The following TMEM18 variants were observed in gnomAD, a reference collection of about 807,000 sequenced individuals.
TMEM18 encodes the protein transmembrane protein 18.
TMEM18 carries 14 observed loss-of-function variants against 17.4 expected under a neutral mutation model. That is an observed-to-expected ratio of 0.80 (90% CI 0.53 to 1.25). The LOEUF (loss-of-function observed/expected upper bound fraction) is 1.25. Among genes scored for constraint, TMEM18 ranks in the 50% most tolerant of loss-of-function variants. TMEM18 has a pLI of 0.00. For synonymous variants in TMEM18, 86 were observed against 66.1 expected, an observed-to-expected ratio of 1.30 and a Z score of -1.46; for missense variants, 187 against 172.1, an observed-to-expected ratio of 1.09 and a Z score of -0.48.
intron 3 of TMEM18, among the ~76,000 whole-genome samples, chr2:672,494 C>T (rs1232749223): frequency 6.6e-6 from 1 of 152,218 alleles, no homozygotes; most frequent in Non-Finnish European, 1.5e-5. Context: ...CTGAGGCCAG[C>T]GCGGACCACG....
chr2:675,321 A>C (rs1367807620), intron 2 of TMEM18, among the ~76,000 whole-genome samples, 189 bp downstream of exon 2: 1 of 152,234 alleles, frequency 6.6e-6, no homozygotes. Flanking sequence ...TCTCAACTCT[A>C]ACATCCAAAA....
At position 676,785 on chromosome 2, in the gene TMEM18, T is replaced by C. The variant is rs1363896874; in HGVS notation, c.57+504A>G. The C allele has an allele frequency of 1.1e-5, 9 of 794,480 alleles. No homozygotes were observed. The Admixed American group carries it at 2.4e-4, about 21-fold the overall frequency. 49.2% of individuals were successfully genotyped at this position (794,480 alleles called of 1,614,324 possible). On this transcript the variant is annotated intron_variant, in intron 1 of 4. Coordinates refer to ENST00000281017, the MANE Select transcript of TMEM18 (RefSeq NM_152834.4). ...CTCCACCACGCACGCCCCGCCGCAC[T>C]GCCAGAATCCGCCCACATGGCCCAA...
At chr2:672,128 T>C (rs113369055) in intron 3 of TMEM18, among the ~76,000 whole-genome samples, 5 of 152,324 alleles carry the variant, frequency 3.3e-5, no homozygotes, top group African/African-American at 1.2e-4. Context: ...AAGGCCACAG[T>C]CTCAGCTCCT....
chr2:672,944 T>C (rs892157549), intron 2 of TMEM18, 82 bp from the exon 3 acceptor site: 7 of 1,261,160 alleles, frequency 5.6e-6, no homozygotes, highest in Non-Finnish European at 7.6e-6. Flanking sequence ...TACAGCAGAA[T>C]ACTGAATAGA....
chr2:667,530 C>T lies in TMEM18; in HGVS notation c.*2050G>A, dbSNP rs1678725723. The T allele has an allele frequency of 6.6e-6, 1 of 152,190 alleles. No homozygotes were observed. The highest frequency in any genetic ancestry group is 1.5e-5 in the Non-Finnish European group (1 of 68,044). The allele number at this position is 152,190 out of a possible 1,614,324, so 9.4% of individuals were successfully genotyped here. A position where few individuals can be genotyped will look rare whatever the true frequency, so the allele number is the denominator to read the frequency against. ...TTATGGAGCCTGAAACCAGTGTGCT[C>T]TGTGCAACCCCCAGTGCTTTAAAGT... On this transcript the variant is annotated 3_prime_UTR_variant, in exon 5 of 5. Transcript: ENST00000281017.
Position 677,307 on chromosome 2 carries a change from G to C in TMEM18, c.39C>G (p.Ser13Arg). Residue 13 changes from serine to arginine, a missense_variant, in exon 1 of 5, where the codon AGC becomes AGG. Physicochemically the swap from Ser to Arg is moderately radical, Grantham distance 110. Coordinates refer to ENST00000281017, the MANE Select transcript of TMEM18 (RefSeq NM_152834.4). ...SAFSVSSFPV[S>R]IPAVLTQTDW... ...GAGTTACCGTGAGCACGGCTGGGAT[G>C]CTGACGGGGAAAGAGCTGACAGAGA... The C allele has an allele frequency of 1.9e-6, 3 of 1,612,316 alleles. No individual in the cohort carries two copies. Among genetic ancestry groups the C allele is most frequent in the Non-Finnish European group, 2.5e-6 (3 of 1,179,790 alleles).
At chr2:672,682 G>A (rs796271512) in intron 3 of TMEM18, 126 bp downstream of exon 3, 51 of 780,344 alleles carry the variant, frequency 6.5e-5, no homozygotes, top group African/African-American at 1.6e-4. Context: ...CTGGATGCAC[G>A]GGCACGGGCT....
rs763262082 is a variant in TMEM18 at position 665,517 on chromosome 2, TCAGA to T, written c.*4059_*4062del. Among the ~76,000 whole-genome samples the T allele has an allele frequency of 3.4e-5, 5 of 146,884 alleles. No individual in the cohort carries two copies. Among genetic ancestry groups the T allele is most frequent in the South Asian group, 4.4e-4 (2 of 4,590 alleles). On this transcript the variant is annotated 3_prime_UTR_variant, in exon 5 of 5. Coordinates refer to ENST00000281017, the MANE Select transcript of TMEM18 (RefSeq NM_152834.4). ...CCAGAGATGCAAACACCCCACTCAC[TCAGA>T]CAGAGAATCAACCCCACATAAACTA... is the stretch of plus-strand genomic sequence containing the variant.
chr2:671,952 C>T (rs1031409527), intron 3 of TMEM18, among the ~76,000 whole-genome samples: 2 of 152,012 alleles, frequency 1.3e-5, no homozygotes, highest in South Asian at 4.1e-4. Context: ...GCTGCAGGGA[C>T]GCTGTCGTGG....
intron 3 of TMEM18, 116 bp from the exon 4 acceptor site, chr2:669,966 C>T (rs1224052611): frequency 1.3e-6 from 1 of 765,272 alleles, no homozygotes; most frequent in African/African-American, 1.8e-5. Flanking sequence ...GTGGGAGCAA[C>T]ACCCTCACTG....
At chr2:676,746 C>G (rs188752458) in intron 1 of TMEM18, 9 of 1,103,788 alleles carry the variant, frequency 8.2e-6, no homozygotes, top group Non-Finnish European at 1.2e-5. Context: ...TCCGTGCCAC[C>G]CCACACGATC....
chr2:675,461 T>G, intron 2 of TMEM18, 49 bp downstream of exon 2: 1 of 1,612,952 alleles, frequency 6.2e-7, no homozygotes, highest in Non-Finnish European at 8.5e-7. Context: ...ATACACAGTT[T>G]CATTTCACAC....
chr2:677,391 G>C lies in TMEM18; in HGVS notation c.-46C>G, dbSNP rs1475592280. The C allele has an allele frequency of 1.2e-6, 2 of 1,600,294 alleles. No individual in the cohort carries two copies. The highest frequency in any genetic ancestry group is 1.7e-6 in the Non-Finnish European group (2 of 1,174,942). On this transcript the variant is annotated 5_prime_UTR_variant, in exon 1 of 5. Transcript: ENST00000281017. Reference sequence around the variant, plus strand: ...CACAGCAACCGCCGAACCCGGCCTGGCCAGAATCCACAGAGGAGGGCGCCA... The same window carrying C: ...CACAGCAACCGCCGAACCCGGCCTGCCCAGAATCCACAGAGGAGGGCGCCA...
chr2:676,161 A>G lies in TMEM18; in HGVS notation c.58-531T>C, dbSNP rs566005489. The G allele has an allele frequency of 7.5e-6, 10 of 1,333,970 alleles. No homozygotes were observed. The African/African-American group carries it at 1.2e-4, about 16-fold the overall frequency. 82.6% of individuals were successfully genotyped at this position (1,333,970 alleles called of 1,614,324 possible). ...CACGTGCAAGACTTGATTTTCTCCA[A>G]CCTCTCTGCAATACACTGAACTCTC... On this transcript the variant is annotated intron_variant, in intron 1 of 4. Coordinates refer to ENST00000281017, the MANE Select transcript of TMEM18 (RefSeq NM_152834.4).
In TMEM18 at chr2:665,183, T is replaced by C. The variant is rs1303678401; in HGVS notation, c.*4397A>G. On this transcript the variant is annotated 3_prime_UTR_variant, in exon 5 of 5. Transcript: ENST00000281017. ...ACGCCCAGCTCAGATGGAGCATCAC[T>C]CCCACATACAACAGAACCCAGAGAT... 1.3e-5 allele frequency among the ~76,000 whole-genome samples: 2 copies of C among 151,804 alleles called. No individual in the cohort carries two copies. The highest frequency in any genetic ancestry group is 4.8e-5 in the African/African-American group (2 of 41,268).
At chr2:675,399 G>A in intron 2 of TMEM18, 111 bp downstream of exon 2, 3 of 1,498,276 alleles carry the variant, frequency 2.0e-6, no homozygotes, top group Non-Finnish European at 2.7e-6. Context: ...CATGACAGAG[G>A]GTTGGGAGGT....
Position 671,182 on chromosome 2 carries a change from C to A in TMEM18, c.234-1332G>T, listed in dbSNP as rs368696231. On this transcript the variant is annotated intron_variant, in intron 3 of 4. Transcript: ENST00000281017. Reference sequence around the variant, plus strand: ...CAGGTGGGACAGGCAAGAAACCCAGCGCTTTTGAAACCAGGAGATCTCGGA... The same window carrying A: ...CAGGTGGGACAGGCAAGAAACCCAGAGCTTTTGAAACCAGGAGATCTCGGA... 4.6e-5 allele frequency among the ~76,000 whole-genome samples: 7 copies of A among 152,208 alleles called. No homozygotes were observed. In the South Asian group the frequency reaches 1.0e-3, roughly 23 times the overall value.
chr2:676,351 CCCCT>C, intron 1 of TMEM18: 1 of 1,448,600 alleles, frequency 6.9e-7, no homozygotes, highest in Admixed American at 2.3e-5. Context: ...CCCTCCCCAT[CCCCT>C]CCTTGAGCGC....
In TMEM18 at chr2:664,196, CGTT is replaced by C. The variant is rs1450754376; in HGVS notation, c.*5381_*5383del. On this transcript the variant is annotated 3_prime_UTR_variant, in exon 5 of 5. Coordinates refer to ENST00000281017, the MANE Select transcript of TMEM18 (RefSeq NM_152834.4). ...CATAAGGATGGCACAATGTGTTTGT[CGTT>C]GTAACTTGTTTAAACTAACTTCACT... 2.0e-5 allele frequency among the ~76,000 whole-genome samples: 3 copies of C among 152,218 alleles called. No homozygotes were observed. Among genetic ancestry groups the C allele is most frequent in the Non-Finnish European group, 4.4e-5 (3 of 68,042 alleles).
Sources: gnomAD v4.1 joint callset for allele counts (sites outside exome capture counted in the v4.1 genomes callset) on GRCh38, gnomAD v4.1.1 for gene constraint, MANE v1.5 for transcripts, NCBI Gene and HGNC (gene_info 2026-07-23, HGNC 2026-07-21) for gene names.